RAD51B: variants seen among roughly 807,000 people sequenced by gnomAD.
RAD51B encodes the protein RAD51 paralog B, also known as DNA repair protein RAD51 homolog 2.
In RAD51B, 38 loss-of-function variants were observed where a neutral mutation model predicts 42.2. That is an observed-to-expected ratio of 0.90 (90% CI 0.70 to 1.18). The LOEUF is 1.18. Among genes scored for constraint, RAD51B ranks in the 50% most tolerant of loss-of-function variants. The pLI is 0.00. For synonymous variants in RAD51B, 154 were observed against 145.2 expected (o/e 1.06, Z -0.43); for missense variants, 373 against 400.7 (o/e 0.93, Z 0.59).
intron 7 of RAD51B, among the ~76,000 whole-genome samples, chr14:67,891,185 G>A (rs1260802209): frequency 9.2e-5 from 14 of 151,994 alleles, no homozygotes; most frequent in Middle Eastern, 3.2e-3. Context: ...TGGTGTAAGG[G>A]GAGGAGTACC....
intron 7 of RAD51B, among the ~76,000 whole-genome samples, chr14:68,021,495 G>T (rs969672292): frequency 6.6e-6 from 1 of 152,112 alleles, no homozygotes; most frequent in Non-Finnish European, 1.5e-5. Flanking sequence ...CTTTTAGAAC[G>T]TCATTTTTTC....
At chr14:68,122,596 A>G (rs989029182) in intron 7 of RAD51B, among the ~76,000 whole-genome samples, 5 of 152,228 alleles carry the variant, frequency 3.3e-5, no homozygotes, top group Non-Finnish European at 5.9e-5. Context: ...TGGTGGAATG[A>G]TAAATTGTTA....
chr14:68,674,848 C>T (rs906185004), intron 11 of RAD51B, among the ~76,000 whole-genome samples: 7 of 148,566 alleles, frequency 4.7e-5, no homozygotes, highest in African/African-American at 1.7e-4. Flanking sequence ...TATGGTTTCC[C>T]AGCCACAGAC....
At chr14:68,655,976 A>G (rs989201092) in intron 11 of RAD51B, among the ~76,000 whole-genome samples, 2 of 152,174 alleles carry the variant, frequency 1.3e-5, no homozygotes, top group Admixed American at 1.3e-4. Context: ...TTCTGCCCAC[A>G]TTCAACCACA....
intron 7 of RAD51B, among the ~76,000 whole-genome samples, chr14:68,241,531 A>C (rs920867913): frequency 6.6e-6 from 1 of 152,022 alleles, no homozygotes; most frequent in East Asian, 1.9e-4. Context: ...ACAGAGTGAG[A>C]CTCCGTCTCA....
rs147136040 is a variant in RAD51B, at chr14:68,096,709, T to A, written c.757-195175T>A. ...GTTTTTAAAATGCTTATTATGAATC[T>A]TATATTTGATTGTATTTTCCTCTTT... On this transcript the variant is annotated intron_variant, in intron 7 of 10. Transcript: ENST00000471583. Among the ~76,000 whole-genome samples, 17 of 152,338 alleles carry A rather than the reference T, an allele frequency of 1.1e-4. No homozygotes were observed. The East Asian group carries it at 2.7e-3, about 24-fold the overall frequency.
In RAD51B at chr14:68,283,246, G is replaced by A. The variant is rs147551449; in HGVS notation, c.757-8638G>A. Among the ~76,000 whole-genome samples the A allele has an allele frequency of 2.8e-3, 420 of 152,272 alleles. 2 individuals are homozygous for A. The highest frequency in any genetic ancestry group is 9.6e-3 in the African/African-American group (400 of 41,552). On this transcript the variant is annotated intron_variant, in intron 7 of 10. Coordinates refer to ENST00000471583, the MANE Select transcript of RAD51B (RefSeq NM_133510.4). Reference sequence around the variant, plus strand: ...CACCTAAAAAGGTCAGCAGAAACTCGGGGAGCTGCTGGAAATTCACCTCCT... The same window carrying A: ...CACCTAAAAAGGTCAGCAGAAACTCAGGGAGCTGCTGGAAATTCACCTCCT...
At chr14:68,433,045 A>G (rs2085052598) in intron 9 of RAD51B, among the ~76,000 whole-genome samples, 1 of 152,174 alleles carries the variant, frequency 6.6e-6, no homozygotes, top group South Asian at 2.1e-4. Context: ...TGGGCTGAAA[A>G]TTCTTTCTTT....
chr14:68,482,795 C>T (rs1270488655), downstream of RAD51B, among the ~76,000 whole-genome samples: 1 of 152,206 alleles, frequency 6.6e-6, no homozygotes, highest in Non-Finnish European at 1.5e-5. Flanking sequence ...AGATGGAACA[C>T]ATATTTTCCA....
At chr14:68,112,469 C>T (rs558783262) in intron 7 of RAD51B, among the ~76,000 whole-genome samples, 16 of 152,010 alleles carry the variant, frequency 1.1e-4, no homozygotes, top group Non-Finnish European at 1.3e-4. Flanking sequence ...GCAGAATGTG[C>T]GTAGAGATAC....
intron 5 of RAD51B, among the ~76,000 whole-genome samples, chr14:67,865,494 C>T (rs1773159860): frequency 6.6e-6 from 1 of 151,174 alleles, no homozygotes; most frequent in African/African-American, 2.4e-5. Context: ...ACCTTGGCCT[C>T]CCAAAGTGCT....
intron 7 of RAD51B, among the ~76,000 whole-genome samples, chr14:67,891,047 T>C (rs1230503397): frequency 6.6e-6 from 1 of 152,184 alleles, no homozygotes. Flanking sequence ...TTCCAAGGTC[T>C]ACATTTTTAC....
chr14:68,285,684 C>A (rs1276939624), intron 7 of RAD51B, among the ~76,000 whole-genome samples: 2 of 152,064 alleles, frequency 1.3e-5, no homozygotes, highest in Non-Finnish European at 2.9e-5. Context: ...AGGGAGTGGG[C>A]GGGAGGAGGA....
chr14:68,577,107 C>G (rs1236208529), intron 10 of RAD51B, among the ~76,000 whole-genome samples: 1 of 152,146 alleles, frequency 6.6e-6, no homozygotes, highest in Non-Finnish European at 1.5e-5. Flanking sequence ...GGGAAGGAAG[C>G]AGAATTTCCA....
intron 4 of RAD51B, among the ~76,000 whole-genome samples, chr14:67,846,061 C>G (rs985603299): frequency 3.9e-5 from 6 of 152,148 alleles, no homozygotes; most frequent in Non-Finnish European, 7.3e-5. Flanking sequence ...ATGTGTGGTG[C>G]CAGCCAAATT....
chr14:68,138,268 C>T (rs977441903), intron 7 of RAD51B, among the ~76,000 whole-genome samples: 4 of 152,104 alleles, frequency 2.6e-5, no homozygotes, highest in Admixed American at 2.6e-4. Flanking sequence ...AGACATTTGG[C>T]AGTTAAAATT....
intron 8 of RAD51B, among the ~76,000 whole-genome samples, chr14:68,324,808 C>A (rs1211853983): frequency 6.6e-6 from 1 of 152,180 alleles, no homozygotes; most frequent in Non-Finnish European, 1.5e-5. Context: ...CTTATCTACT[C>A]ATGCTTTACT....
At chr14:68,062,687 T>C (rs1425288175) in intron 7 of RAD51B, among the ~76,000 whole-genome samples, 1 of 151,792 alleles carries the variant, frequency 6.6e-6, no homozygotes, top group Non-Finnish European at 1.5e-5. Context: ...CAGGCACCTG[T>C]AATCCTAGCT....
intron 5 of RAD51B, among the ~76,000 whole-genome samples, chr14:67,874,550 T>C (rs2042661965): frequency 1.3e-5 from 2 of 152,118 alleles, no homozygotes; most frequent in Admixed American, 1.3e-4. Flanking sequence ...TAGATAATTG[T>C]GTAGCCTGGC....
Sources: gnomAD v4.1 joint callset for allele counts (sites outside exome capture counted in the v4.1 genomes callset) on GRCh38, gnomAD v4.1.1 for gene constraint, MANE v1.5 for transcripts, NCBI Gene and HGNC (gene_info 2026-07-23, HGNC 2026-07-21) for gene names.